The following STRADB variants were observed in gnomAD, a reference collection of about 807,000 sequenced individuals.
STRADB encodes STE20 related adaptor beta, also known as STE20-related kinase adapter protein beta.
Under a neutral mutation model 52.1 loss-of-function variants are expected in STRADB, and 34 were observed. That is an observed-to-expected ratio of 0.65 (90% CI 0.50 to 0.87). The LOEUF (loss-of-function observed/expected upper bound fraction) is 0.87, where lower values mean the gene tolerates loss of function less well. Ranked by LOEUF, STRADB falls within the 40% of genes least tolerant of loss-of-function variation. STRADB has a pLI of 0.00. For synonymous variants in STRADB, 133 were observed against 174.5 expected (o/e 0.76, Z 1.87); for missense variants, 340 against 483.9 (o/e 0.70, Z 2.79).
chr2:201,472,929 A>G lies in STRADB; in HGVS notation c.194-26A>G, dbSNP rs1952413629. 13 of 1,564,706 alleles carry G rather than the reference A, an allele frequency of 8.3e-6. No homozygotes were observed. In the East Asian group the frequency reaches 3.0e-4, roughly 36 times the overall value. On this transcript the variant is annotated intron_variant, in intron 4 of 11. Coordinates refer to ENST00000194530, the MANE Select transcript of STRADB (RefSeq NM_018571.6). ...CAGTTTTTTTTCTTCTTTGGTTACT[A>G]ACATGAGTTTTATGTCTGATTACAG... is the stretch of plus-strand genomic sequence containing the variant.
intron 3 of STRADB, among the ~76,000 whole-genome samples, chr2:201,466,923 G>A (rs1952313381): frequency 6.6e-6 from 1 of 152,082 alleles, no homozygotes; most frequent in African/African-American, 2.4e-5. Flanking sequence ...ATACAGAAAG[G>A]TATGTTTCAC....
intron 3 of STRADB, among the ~76,000 whole-genome samples, chr2:201,468,085 C>CTTTTCTTTTTTTTTTTTTT (rs1559465545): frequency 2.8e-5 from 2 of 71,020 alleles, no homozygotes; most frequent in Non-Finnish European, 5.9e-5. Flanking sequence ...TTTTTTTTTT[C>CTTTTCTTTTTTTTTTTTTT]TTTTTTTTTT....
intron 2 of STRADB, 64 bp downstream of exon 2, chr2:201,454,916 C>T (rs1413055340): frequency 6.1e-6 from 9 of 1,486,518 alleles, no homozygotes; most frequent in Non-Finnish European, 7.4e-6. Context: ...TAATGCCAAG[C>T]CATAATAAAA....
chr2:201,472,728 T>C (rs943808914), intron 4 of STRADB: 1 of 340,026 alleles, frequency 2.9e-6, no homozygotes, highest in African/African-American at 2.1e-5. Flanking sequence ...TTCATAGGCA[T>C]ATTGGCTGTT....
intron 3 of STRADB, among the ~76,000 whole-genome samples, chr2:201,467,897 G>C (rs1225980530): frequency 1.3e-5 from 2 of 150,878 alleles, no homozygotes; most frequent in African/African-American, 4.9e-5. Flanking sequence ...AACCTTCTCT[G>C]TCATGGTATT....
At chr2:201,454,918 A>G in intron 2 of STRADB, 66 bp downstream of exon 2, 5 of 1,444,638 alleles carry the variant, frequency 3.5e-6, no homozygotes, top group Non-Finnish European at 3.8e-6. Context: ...ATGCCAAGCC[A>G]TAATAAAAGG....
chr2:201,478,656 A>C, intron 10 of STRADB, 55 bp downstream of exon 10: 1 of 1,566,358 alleles, frequency 6.4e-7, no homozygotes, highest in Non-Finnish European at 8.7e-7. Flanking sequence ...CATTTTATAG[A>C]AGCTTTGTAA....
intron 5 of STRADB, among the ~76,000 whole-genome samples, 153 bp downstream of exon 5, chr2:201,473,229 A>C (rs1170592023): frequency 6.6e-6 from 1 of 152,226 alleles, no homozygotes; most frequent in Non-Finnish European, 1.5e-5. Flanking sequence ...AACTATTTAC[A>C]TAGCATTTAC....
At chr2:201,479,780 T>TTTGA (rs1198891531) in intron 11 of STRADB, among the ~76,000 whole-genome samples, 1 of 152,156 alleles carries the variant, frequency 6.6e-6, no homozygotes, top group Non-Finnish European at 1.5e-5. Flanking sequence ...TGGTGTATAT[T>TTTGA]TTGATTAATT....
chr2:201,462,376 T>G (rs550039274), intron 3 of STRADB, among the ~76,000 whole-genome samples: 2 of 152,338 alleles, frequency 1.3e-5, no homozygotes, highest in East Asian at 3.9e-4. Flanking sequence ...TGTCTATTCA[T>G]TGGAGAGTTT....
At chr2:201,467,256 A>C (rs1202634247) in intron 3 of STRADB, among the ~76,000 whole-genome samples, 1 of 152,224 alleles carries the variant, frequency 6.6e-6, no homozygotes, top group Non-Finnish European at 1.5e-5. Flanking sequence ...ACAGCTGTCA[A>C]AGTACTTGAA....
At chr2:201,470,305 T>C (rs1196460320) in intron 4 of STRADB, among the ~76,000 whole-genome samples, 1 of 152,224 alleles carries the variant, frequency 6.6e-6, no homozygotes, top group Non-Finnish European at 1.5e-5. Context: ...TAAATACTTA[T>C]TATTTGTGTG....
chr2:201,478,023 CAT>C (rs1481272005), intron 8 of STRADB, 62 bp from the exon 9 acceptor site: 2 of 1,401,730 alleles, frequency 1.4e-6, no homozygotes, highest in Admixed American at 2.1e-5. Context: ...CAAAAAAGCA[CAT>C]GTGTATAACT....
intron 7 of STRADB, among the ~76,000 whole-genome samples, chr2:201,476,337 C>G (rs1952471110): frequency 6.6e-6 from 1 of 150,422 alleles, no homozygotes; most frequent in Non-Finnish European, 1.5e-5. Context: ...TGTTTCAATC[C>G]CCTTAAAGCT....
intron 4 of STRADB, among the ~76,000 whole-genome samples, chr2:201,472,472 C>T (rs1215195676): frequency 6.6e-6 from 1 of 152,156 alleles, no homozygotes; most frequent in Non-Finnish European, 1.5e-5. Flanking sequence ...GTCTCAGAAG[C>T]ATATGCCAAG....
At chr2:201,466,131 G>A (rs1412810070) in intron 3 of STRADB, among the ~76,000 whole-genome samples, 2 of 152,120 alleles carry the variant, frequency 1.3e-5, no homozygotes, top group Non-Finnish European at 1.5e-5. Context: ...TTGCTGGAGG[G>A]TTCCATTCAG....
rs1441532819 is a variant in STRADB at position 201,469,944 on chromosome 2, C to T, written c.94-9C>T. The T allele has an allele frequency of 6.2e-7, 1 of 1,609,460 alleles. No homozygotes were observed. On this transcript the variant is annotated splice_polypyrimidine_tract_variant and intron_variant, in intron 3 of 11. Coordinates refer to ENST00000194530, the MANE Select transcript of STRADB (RefSeq NM_018571.6). ...TCTATTTTGTTTTTATCTTTAAAAA[C>T]AAATGCAGGTTGATGAGCCAACCCT...
chr2:201,473,476 C>G (rs1317827348), intron 5 of STRADB, among the ~76,000 whole-genome samples: 4 of 152,128 alleles, frequency 2.6e-5, no homozygotes, highest in Admixed American at 6.5e-5. Context: ...GAGATTACAT[C>G]TGTAAGAATT....
At chr2:201,470,539 A>G (rs1952373380) in intron 4 of STRADB, among the ~76,000 whole-genome samples, 1 of 152,248 alleles carries the variant, frequency 6.6e-6, no homozygotes, top group Non-Finnish European at 1.5e-5. Context: ...GAATATTTAG[A>G]AACATCTATT....
Sources: gnomAD v4.1 joint callset for allele counts (sites outside exome capture counted in the v4.1 genomes callset) on GRCh38, gnomAD v4.1.1 for gene constraint, MANE v1.5 for transcripts, NCBI Gene and HGNC (gene_info 2026-07-23, HGNC 2026-07-21) for gene names.